Variants in TNS1 observed in about 807,000 individuals in gnomAD.
The protein encoded by TNS1 is tensin 1.
A neutral mutation model predicts 168.6 loss-of-function variants in TNS1; 62 were observed. That is an observed-to-expected ratio of 0.37 (90% CI 0.30 to 0.45). The LOEUF (loss-of-function observed/expected upper bound fraction) is 0.45, where lower values mean the gene tolerates loss of function less well. Among genes scored for constraint, TNS1 ranks in the 20% least tolerant of loss-of-function variants. The pLI, the probability that TNS1 is intolerant of heterozygous loss-of-function variation, is 1.00. For missense variants in TNS1, 2,240 were observed against 2,339.4 expected, an observed-to-expected ratio of 0.96 and a Z score of 0.88; for synonymous variants, 934 against 933.2, an observed-to-expected ratio of 1.00 and a Z score of -0.02.
chr2:217,882,484 G>GA, intron 16 of TNS1, 73 bp from the exon 17 acceptor site: 1 of 1,005,742 alleles, frequency 9.9e-7, no homozygotes, highest in Non-Finnish European at 1.5e-6. Flanking sequence ...TTTTCTTCTA[G>GA]AAAAAATTAA....
At chr2:217,867,150 T>C (rs964224051) in intron 18 of TNS1, among the ~76,000 whole-genome samples, 2 of 152,286 alleles carry the variant, frequency 1.3e-5, no homozygotes, top group East Asian at 3.9e-4. Flanking sequence ...TACCTAACAG[T>C]ATCTCACATA....
At chr2:217,840,366 A>G (rs1460885928) in intron 19 of TNS1, among the ~76,000 whole-genome samples, 2 of 152,210 alleles carry the variant, frequency 1.3e-5, no homozygotes, top group Non-Finnish European at 1.5e-5. Flanking sequence ...ATCATTCTCA[A>G]ATGAATTACT....
rs754831250 is a variant in TNS1, at chr2:217,904,743, C to T, written c.321+1592G>A. Among the ~76,000 whole-genome samples the T allele has an allele frequency of 5.3e-5, 8 of 152,358 alleles. No homozygotes were observed. In the South Asian group the frequency reaches 6.2e-4, roughly 12 times the overall value. On this transcript the variant is annotated intron_variant, in intron 6 of 32. Transcript: ENST00000682258. ...CACACTCTTGCAATCAAAAGTTCTT[C>T]GTGACGTCTAACTTCACTGTCTCTT...
At chr2:218,006,401 C>A (rs1958657667), upstream of TNS1, among the ~76,000 whole-genome samples, 3 of 152,268 alleles carry the variant, frequency 2.0e-5, no homozygotes, top group South Asian at 6.2e-4. Context: ...AAGGCCCCAG[C>A]CCCATCCAAT....
At position 217,818,758 on chromosome 2, in the gene TNS1, T is replaced by C; in HGVS notation, c.3574A>G (p.Thr1192Ala). The part of the protein sequence containing the change: ...TSSPILSADS[T>A]SVGSFPSGES... The stretch of plus-strand genomic sequence containing the variant: ...CCCGACGGGAAACTCCCCACTGAAG[T>C]GCTGCAGAGAGATGGCAGGTTGCGA... Residue 1192 changes from threonine to alanine, a missense_variant and splice_region_variant, in exon 24 of 33, where the codon ACT becomes GCT. By Grantham distance (58) the Thr-to-Ala change is moderately conservative. Around this residue, in one of 2 missense-constraint regions of TNS1, gnomAD observed 2,131 missense variants for 2,171.2 expected, o/e 0.98. Transcript: ENST00000682258. 6.2e-7 allele frequency: 1 copy of C among 1,604,746 alleles called. No individual in the cohort carries two copies. The highest frequency in any genetic ancestry group is 8.5e-7 in the Non-Finnish European group (1 of 1,174,646).
At chr2:217,850,683 A>C (rs17733847) in intron 18 of TNS1, 144,963 of 879,148 alleles carry the variant, frequency 0.16, 12,610 homozygotes, top group East Asian at 0.2. Context: ...GAAAAAAGCC[A>C]GCTCCCAAAG....
intron 1 of TNS1, among the ~76,000 whole-genome samples, chr2:218,026,812 G>T (rs1958852885): frequency 6.6e-6 from 1 of 152,232 alleles, no homozygotes; most frequent in Non-Finnish European, 1.5e-5. Flanking sequence ...GCCTGGCCTG[G>T]GTCTAAGGTC....
In TNS1 at chr2:217,948,453, C is replaced by A. The variant is rs1463597465; in HGVS notation, c.187-28217G>T. Among the ~76,000 whole-genome samples the A allele has an allele frequency of 1.3e-5, 2 of 152,144 alleles. No individual in the cohort carries two copies. The highest frequency in any genetic ancestry group is 2.9e-5 in the Non-Finnish European group (2 of 68,012). On this transcript the variant is annotated intron_variant, in intron 3 of 32. Transcript: ENST00000682258. This position sits in a 1 kb window ranked among gnomAD's most constrained non-coding sequence, Gnocchi z 4.1. ...CTGGGCCTCTGAATCCTGCTAGGCC[C>A]AACACACCCCATAGGGAGCCAGGCC...
intron 3 of TNS1, among the ~76,000 whole-genome samples, chr2:217,935,460 G>A (rs894120999): frequency 6.6e-5 from 10 of 151,858 alleles, no homozygotes; most frequent in South Asian, 2.1e-4. Context: ...ACCCTGGCTC[G>A]CCTCTGCTCT....
intron 32 of TNS1, among the ~76,000 whole-genome samples, chr2:217,804,898 G>A (rs1938171733): frequency 6.6e-6 from 1 of 152,082 alleles, no homozygotes; most frequent in African/African-American, 2.4e-5. Flanking sequence ...GTGAGGGGTG[G>A]GGAGGAGACC....
At chr2:217,854,602 T>C (rs1947904662) in intron 18 of TNS1, among the ~76,000 whole-genome samples, 1 of 152,130 alleles carries the variant, frequency 6.6e-6, no homozygotes, top group South Asian at 2.1e-4. Flanking sequence ...TGGGCAAAAC[T>C]CCTTAAAAGG....
Position 217,814,782 on chromosome 2 carries a change from AC to A in TNS1, c.4729+129del, listed in dbSNP as rs1941605401. The A allele has an allele frequency of 7.2e-6, 5 of 698,900 alleles. No individual in the cohort carries two copies. In the South Asian group the frequency reaches 9.1e-5, roughly 13 times the overall value. The allele number at this position is 698,900 out of a possible 1,614,324, so 43.3% of individuals were successfully genotyped here. ...AAGTGCTTCCTACTGTCCAGCTTCA[AC>A]CCCAGCCCCCTCTGTGATGACCCCC... On this transcript the variant is annotated intron_variant, in intron 25 of 32. Coordinates refer to ENST00000682258, the MANE Select transcript of TNS1 (RefSeq NM_001387777.1).
At chr2:217,994,227 A>T (rs550450378) in intron 1 of TNS1, among the ~76,000 whole-genome samples, 40 of 152,118 alleles carry the variant, frequency 2.6e-4, no homozygotes, top group African/African-American at 9.2e-4. Context: ...CTGTTCATCT[A>T]TCTCACTTCC....
At chr2:218,011,158 G>T (rs1438231761), upstream of TNS1, among the ~76,000 whole-genome samples, 4 of 152,172 alleles carry the variant, frequency 2.6e-5, no homozygotes, top group Non-Finnish European at 4.4e-5. Context: ...GCGTGCCCTT[G>T]CCTACCTCTG....
chr2:217,894,660 AAAAC>A (rs549375412), intron 9 of TNS1, among the ~76,000 whole-genome samples: 9 of 152,152 alleles, frequency 5.9e-5, no homozygotes, highest in East Asian at 3.9e-4. Context: ...GCATCTCAAA[AAAAC>A]AAACAAACAA....
chr2:217,847,408 T>C (rs1946801192), intron 19 of TNS1, 102 bp downstream of exon 19: 1 of 1,169,130 alleles, frequency 8.6e-7, no homozygotes, highest in Non-Finnish European at 1.1e-6. Context: ...CTCCCACCAG[T>C]GAAAGCAACA....
chr2:217,932,575 T>C (rs74572248), intron 3 of TNS1, among the ~76,000 whole-genome samples: 16,147 of 152,184 alleles, frequency 0.11, 2,084 homozygotes, highest in African/African-American at 0.3. Context: ...GTTCTAAGCT[T>C]CTTATGCGTC....
At chr2:217,990,815 T>G in intron 2 of TNS1, 127 bp downstream of exon 2, 36 of 313,618 alleles carry the variant, frequency 1.1e-4, no homozygotes, top group East Asian at 2.6e-4. Flanking sequence ...CTCCACCAGA[T>G]GAGAACAAGG....
chr2:217,880,047 C>A lies in TNS1; in HGVS notation c.1429+851G>T, dbSNP rs1468789708. Among the ~76,000 whole-genome samples the A allele has an allele frequency of 6.6e-6, 1 of 152,208 alleles. No homozygotes were observed. The highest frequency in any genetic ancestry group is 2.4e-5 in the African/African-American group (1 of 41,450). Reference sequence around the variant, plus strand: ...TGGGCTGGACCATCCTGAAGGTCCTCCCAGCTCCAACATTCTGCAGTCCTA... The same window carrying A: ...TGGGCTGGACCATCCTGAAGGTCCTACCAGCTCCAACATTCTGCAGTCCTA... On this transcript the variant is annotated intron_variant, in intron 18 of 32. Coordinates refer to ENST00000682258, the MANE Select transcript of TNS1 (RefSeq NM_001387777.1). This position sits in a 1 kb window ranked among gnomAD's most constrained non-coding sequence, Gnocchi z 4.2.
Sources: gnomAD v4.1 joint callset for allele counts (sites outside exome capture counted in the v4.1 genomes callset) on GRCh38, gnomAD v4.1.1 for gene constraint, gnomAD v4.1.1 regional missense constraint, Gnocchi (gnomAD v3.1) non-coding constraint, MANE v1.5 for transcripts, NCBI Gene and HGNC (gene_info 2026-07-23, HGNC 2026-07-21) for gene names.